Variants in NLGN1 observed in about 807,000 individuals in gnomAD.
NLGN1 encodes neuroligin 1, also known as neuroligin-1.
A neutral mutation model predicts 65.5 loss-of-function variants in NLGN1; 12 were observed. The ratio of observed to expected loss-of-function variants is 0.18; its 90% CI spans 0.12 to 0.30. NLGN1 has a LOEUF of 0.30. NLGN1 is among the 10% of genes least tolerant of loss of function. NLGN1 has a pLI of 1.00. For missense variants in NLGN1, 750 were observed against 1,007.1 expected (o/e 0.74, Z 3.46); for synonymous variants, 350 against 359.5 (o/e 0.97, Z 0.30).
chr3:173,493,964 G>A (rs1487561127), intron 2 of NLGN1, among the ~76,000 whole-genome samples: 9 of 151,656 alleles, frequency 5.9e-5, no homozygotes, highest in Non-Finnish European at 8.8e-5. Flanking sequence ...CAGATTCAGC[G>A]ATTACTGCAT....
intron 3 of NLGN1, among the ~76,000 whole-genome samples, chr3:173,731,471 T>C (rs1307166964): frequency 6.6e-6 from 1 of 152,126 alleles, no homozygotes; most frequent in African/African-American, 2.4e-5. Context: ...TTCCTCATTA[T>C]GAAATGGGAA....
intron 4 of NLGN1, among the ~76,000 whole-genome samples, chr3:174,250,219 A>G (rs1245000649): frequency 1.3e-5 from 2 of 152,240 alleles, no homozygotes; most frequent in East Asian, 1.9e-4. Flanking sequence ...GAAACATGAT[A>G]TGCAAGTACT....
At chr3:174,292,748 A>G in the NLGN1 span, among the ~76,000 whole-genome samples, 1 of 151,450 alleles carries the variant, frequency 6.6e-6, no homozygotes, top group South Asian at 2.1e-4. Flanking sequence ...ATTGCTCCCA[A>G]TGAATCAGTG....
At chr3:173,430,835 T>A (rs911514034) in intron 1 of NLGN1, among the ~76,000 whole-genome samples, 2 of 152,322 alleles carry the variant, frequency 1.3e-5, no homozygotes, top group South Asian at 4.1e-4. Flanking sequence ...CTTTCTATCA[T>A]GAGCAGAAAC....
intron 2 of NLGN1, among the ~76,000 whole-genome samples, chr3:173,463,484 C>T (rs570033054): frequency 2.0e-5 from 3 of 152,162 alleles, no homozygotes; most frequent in African/African-American, 7.2e-5. Context: ...AATGTTAGCA[C>T]TGACTAGAAT....
At chr3:173,468,538 T>A (rs1046230169) in intron 2 of NLGN1, among the ~76,000 whole-genome samples, 1 of 152,046 alleles carries the variant, frequency 6.6e-6, no homozygotes, top group African/African-American at 2.4e-5. Flanking sequence ...AGGCACATTT[T>A]CACATCAATG....
chr3:173,518,911 C>T (rs546470425), intron 2 of NLGN1, among the ~76,000 whole-genome samples: 2 of 152,240 alleles, frequency 1.3e-5, no homozygotes, highest in South Asian at 2.1e-4. Flanking sequence ...GTGACCTTCA[C>T]AGCAGCCCCT....
At chr3:173,986,417 C>T (rs539335575) in intron 4 of NLGN1, among the ~76,000 whole-genome samples, 127 of 151,530 alleles carry the variant, frequency 8.4e-4, no homozygotes, top group African/African-American at 2.7e-3. Flanking sequence ...TGCAGTGAGC[C>T]GAGATCGGGC....
rs1375166442 is a variant in NLGN1, at chr3:173,488,832, CA to C, written c.-321+53758del. Among the ~76,000 whole-genome samples, 3 of 151,268 alleles carry C rather than the reference CA, an allele frequency of 2.0e-5. No homozygotes were observed. In the East Asian group the frequency reaches 5.8e-4, roughly 29 times the overall value. ...AAAAAGTCTCAGTCATTGCTTCTTTCAAAATTTTTTCCTTCACAGTTTCTCC... is the reference window on the plus strand; with the variant it reads ...AAAAAGTCTCAGTCATTGCTTCTTTCAAATTTTTTCCTTCACAGTTTCTCC... On this transcript the variant is annotated intron_variant, in intron 2 of 6. Transcript: ENST00000457714.
At chr3:173,425,540 C>T (rs1315090815) in intron 1 of NLGN1, among the ~76,000 whole-genome samples, 1 of 151,998 alleles carries the variant, frequency 6.6e-6, no homozygotes, top group African/African-American at 2.4e-5. Context: ...AGACAAGGTT[C>T]TATTTCCATT....
chr3:173,635,045 A>C (rs1190073762), intron 3 of NLGN1, among the ~76,000 whole-genome samples: 1 of 152,180 alleles, frequency 6.6e-6, no homozygotes, highest in Non-Finnish European at 1.5e-5. Context: ...ATGTAAAAAA[A>C]AGTTAATAAA....
At chr3:174,084,222 A>G (rs541226168) in intron 4 of NLGN1, among the ~76,000 whole-genome samples, 6 of 152,202 alleles carry the variant, frequency 3.9e-5, no homozygotes, top group Non-Finnish European at 8.8e-5. Context: ...AGAAATTCTA[A>G]ATCACAATTT....
At chr3:174,141,202 CT>C (rs1016772982) in intron 4 of NLGN1, among the ~76,000 whole-genome samples, 1 of 151,772 alleles carries the variant, frequency 6.6e-6, no homozygotes, top group South Asian at 2.1e-4. Context: ...AAGAAAAAGA[CT>C]TTTTTTTAAA....
At chr3:173,694,442 C>T (rs1179612601) in intron 3 of NLGN1, among the ~76,000 whole-genome samples, 4 of 152,082 alleles carry the variant, frequency 2.6e-5, no homozygotes, top group Non-Finnish European at 5.9e-5. Flanking sequence ...GACCTACTGA[C>T]GTGTACATTA....
intron 2 of NLGN1, among the ~76,000 whole-genome samples, chr3:173,538,895 A>G (rs1737921589): frequency 6.9e-6 from 1 of 145,068 alleles, no homozygotes; most frequent in Admixed American, 7.0e-5. Flanking sequence ...TTGCTCATTC[A>G]GAAAATCCTA....
At chr3:173,605,668 G>A (rs1188080702) in intron 3 of NLGN1, 75 bp downstream of exon 3, 4 of 655,264 alleles carry the variant, frequency 6.1e-6, no homozygotes. Context: ...CCCTAAGGAT[G>A]ATTTGCTGAT....
At chr3:173,875,127 G>C (rs938910235) in intron 4 of NLGN1, among the ~76,000 whole-genome samples, 1 of 152,158 alleles carries the variant, frequency 6.6e-6, no homozygotes, top group Admixed American at 6.5e-5. Context: ...TTCACTTCCT[G>C]TCAGACTTTG....
At position 173,444,718 on chromosome 3, in the gene NLGN1, G is replaced by GTCTA. The variant is rs568465265; in HGVS notation, c.-321+9654_-321+9657dup. Among the ~76,000 whole-genome samples the GTCTA allele has an allele frequency of 1.6e-4, 25 of 151,800 alleles. No individual in the cohort carries two copies. The East Asian group carries it at 2.1e-3, about 13-fold the overall frequency. On this transcript the variant is annotated intron_variant, in intron 2 of 6. Transcript: ENST00000457714. ...GATGGTCACAACTATATATTGCAGT[G>GTCTA]TCTATCTATCTATCTATATATACAC...
chr3:173,621,611 T>G (rs1322187495), intron 3 of NLGN1, among the ~76,000 whole-genome samples: 1 of 151,914 alleles, frequency 6.6e-6, no homozygotes, highest in Non-Finnish European at 1.5e-5. Flanking sequence ...AGACTAGATA[T>G]GGGGTAATAG....
Sources: gnomAD v4.1 joint callset for allele counts (sites outside exome capture counted in the v4.1 genomes callset) on GRCh38, gnomAD v4.1.1 for gene constraint, MANE v1.5 for transcripts, NCBI Gene and HGNC (gene_info 2026-07-23, HGNC 2026-07-21) for gene names.